The following TMEM273 variants were observed in gnomAD, a reference collection of about 807,000 sequenced individuals.
TMEM273 encodes transmembrane protein 273.
TMEM273 carries 19 observed loss-of-function variants against 17.9 expected under a neutral mutation model. The observed-to-expected ratio is 1.06, with a 90% CI of 0.74 to 1.55. The LOEUF (loss-of-function observed/expected upper bound fraction) is 1.55, where lower values mean the gene tolerates loss of function less well. Among genes scored for constraint, TMEM273 ranks in the 40% most tolerant of loss-of-function variants. The pLI, the probability that TMEM273 is intolerant of heterozygous loss-of-function variation, is 0.00. For synonymous variants in TMEM273, 66 were observed against 62.0 expected, an observed-to-expected ratio of 1.07 and a Z score of -0.31; for missense variants, 194 against 155.6, an observed-to-expected ratio of 1.25 and a Z score of -1.31.
At chr10:49,159,657 T>C (rs1845718033) in intron 6 of TMEM273, among the ~76,000 whole-genome samples, 1 of 152,064 alleles carries the variant, frequency 6.6e-6, no homozygotes, top group Non-Finnish European at 1.5e-5. Flanking sequence ...TGTGCCCAGA[T>C]CTTAGTTTCT....
At chr10:49,173,690 C>G (rs1174578385) in intron 1 of TMEM273, among the ~76,000 whole-genome samples, 1 of 152,216 alleles carries the variant, frequency 6.6e-6, no homozygotes, top group Non-Finnish European at 1.5e-5. Flanking sequence ...CGAGATGATG[C>G]ATGAGAGCCC....
intron 6 of TMEM273, chr10:49,161,384 G>A: frequency 1.6e-6 from 1 of 619,940 alleles, no homozygotes; most frequent in Admixed American, 2.9e-5. Flanking sequence ...ATGCCCCACA[G>A]CTTCATGTTA....
intron 1 of TMEM273, chr10:49,178,476 C>A (rs538406295): frequency 1.9e-4 from 66 of 353,916 alleles, no homozygotes; most frequent in African/African-American, 1.3e-3. Flanking sequence ...ACAGCATCAT[C>A]CCATGCAAAA....
intron 3 of TMEM273, 144 bp from the exon 4 acceptor site, chr10:49,165,940 A>T (rs1846151458): frequency 2.9e-6 from 3 of 1,034,652 alleles, no homozygotes; most frequent in Non-Finnish European, 4.3e-6. Context: ...TATGTGATGA[A>T]GAGGCTGTTT....
chr10:49,170,170 C>G (rs1202495630), intron 1 of TMEM273, among the ~76,000 whole-genome samples: 1 of 152,238 alleles, frequency 6.6e-6, no homozygotes, highest in Non-Finnish European at 1.5e-5. Flanking sequence ...TAGGTACACA[C>G]AGAGACACTC....
At chr10:49,162,896 C>T (rs1590190139) in intron 5 of TMEM273, among the ~76,000 whole-genome samples, 1 of 152,232 alleles carries the variant, frequency 6.6e-6, no homozygotes, top group South Asian at 2.1e-4. Context: ...TCCTCATGTC[C>T]TCCAAGAGCC....
chr10:49,174,744 G>A (rs1460787982), intron 1 of TMEM273, among the ~76,000 whole-genome samples: 2 of 152,152 alleles, frequency 1.3e-5, no homozygotes, highest in Non-Finnish European at 2.9e-5. Context: ...GGAGCTTTTA[G>A]ACAACTCCTT....
At chr10:49,159,393 G>A (rs541202076) in intron 6 of TMEM273, among the ~76,000 whole-genome samples, 2 of 152,258 alleles carry the variant, frequency 1.3e-5, no homozygotes, top group Admixed American at 6.5e-5. Flanking sequence ...TTTACTGAGT[G>A]GGTCTATAGC....
intron 6 of TMEM273, among the ~76,000 whole-genome samples, chr10:49,158,194 ATTATCTCT>A (rs551623467): frequency 4.6e-5 from 7 of 152,324 alleles, no homozygotes; most frequent in African/African-American, 1.4e-4. Context: ...TTATGAAAAA[ATTATCTCT>A]TTTCCATGGA....
At chr10:49,165,096 T>C in intron 5 of TMEM273, 109 bp downstream of exon 5, 1 of 1,404,794 alleles carries the variant, frequency 7.1e-7, no homozygotes. Context: ...CCATGCAAAA[T>C]AGACAAATCA....
chr10:49,162,401 G>A (rs923809924), intron 5 of TMEM273, among the ~76,000 whole-genome samples: 1 of 152,150 alleles, frequency 6.6e-6, no homozygotes, highest in Non-Finnish European at 1.5e-5. Context: ...ATTAAGGATC[G>A]AGCTTTGTGA....
chr10:49,167,191 C>A (rs956175707), intron 2 of TMEM273, among the ~76,000 whole-genome samples, 182 bp from the exon 3 acceptor site: 1 of 152,202 alleles, frequency 6.6e-6, no homozygotes, highest in Non-Finnish European at 1.5e-5. Flanking sequence ...CACCCCATCC[C>A]CTCCTTCAGC....
chr10:49,175,425 C>T lies in TMEM273; in HGVS notation c.44-7463G>A, dbSNP rs58753186. Among the ~76,000 whole-genome samples, 453 of 152,288 alleles carry T rather than the reference C, an allele frequency of 3.0e-3. 2 individuals are homozygous for T. The highest frequency in any genetic ancestry group is 0.01 in the African/African-American group (430 of 41,546). ...CCACGGAGGGCCATGCAGAGGCCAC[C>T]CCAGGCTGAGATGCACCAGGGAGCT... On this transcript the variant is annotated intron_variant, in intron 1 of 6. Transcript: ENST00000374153.
intron 5 of TMEM273, 98 bp downstream of exon 5, chr10:49,165,107 A>G (rs976666393): frequency 7.0e-7 from 1 of 1,423,724 alleles, no homozygotes; most frequent in African/African-American, 1.4e-5. Context: ...AGACAAATCA[A>G]TATATCGTAT....
At position 49,155,019 on chromosome 10, in the gene TMEM273, G is replaced by A. The variant is rs1590166860; in HGVS notation, c.*873C>T. The A allele has an allele frequency of 6.6e-6, 1 of 152,186 alleles. No homozygotes were observed. The highest frequency in any genetic ancestry group is 1.9e-4 in the East Asian group (1 of 5,200). The allele number at this position is 152,186 out of a possible 1,614,324, so 9.4% of individuals were successfully genotyped here. On this transcript the variant is annotated 3_prime_UTR_variant, in exon 7 of 7. Transcript: ENST00000374153. ...CGTGATGTGATCCCAGAAATACAGG[G>A]TTAATATTACAAGGGAGAGAAATGC...
rs944582909 is a variant in TMEM273, at chr10:49,177,358, C to T, written c.44-9396G>A. 2.0e-5 allele frequency among the ~76,000 whole-genome samples: 3 copies of T among 152,258 alleles called. No homozygotes were observed. The South Asian group carries it at 6.2e-4, about 32-fold the overall frequency. On this transcript the variant is annotated intron_variant, in intron 1 of 6. Transcript: ENST00000374153. ...CTGTGGTTTCCCTGATTCGGGTCCT[C>T]ACTTTCAGCTGCACTAAGCCATTGC...
intron 1 of TMEM273, among the ~76,000 whole-genome samples, chr10:49,179,507 T>A (rs1396834909): frequency 1.3e-5 from 2 of 152,164 alleles, no homozygotes; most frequent in African/African-American, 4.8e-5. Context: ...AAATCACCCA[T>A]CCTCCAGAAC....
intron 1 of TMEM273, among the ~76,000 whole-genome samples, chr10:49,170,688 G>T (rs990009494): frequency 6.6e-5 from 10 of 152,198 alleles, no homozygotes; most frequent in Non-Finnish European, 1.0e-4. Context: ...CTGCGAGCCA[G>T]CCCCACAGCC....
At chr10:49,165,887 C>T in intron 3 of TMEM273, 91 bp from the exon 4 acceptor site, 1 of 1,548,510 alleles carries the variant, frequency 6.5e-7, no homozygotes, top group Non-Finnish European at 8.9e-7. Flanking sequence ...CTCCTTGGTC[C>T]TCTCACTCAC....
Sources: allele counts gnomAD v4.1 joint callset (sites outside exome capture counted in the v4.1 genomes callset), GRCh38; gene constraint gnomAD v4.1.1; transcripts MANE v1.5; gene names NCBI Gene and HGNC (gene_info 2026-07-23, HGNC 2026-07-21).